Variants in OR9Q1 observed in about 807,000 individuals in gnomAD.
OR9Q1 encodes the protein olfactory receptor family 9 subfamily Q member 1.
For synonymous variants in OR9Q1, 153 were observed against 148.6 expected, an observed-to-expected ratio of 1.03 and a Z score of -0.22; for missense variants, 374 against 378.8, an observed-to-expected ratio of 0.99 and a Z score of 0.11.
intron 2 of OR9Q1, among the ~76,000 whole-genome samples, chr11:58,092,581 G>A (rs936098340): frequency 4.6e-5 from 7 of 152,052 alleles, no homozygotes; most frequent in Admixed American, 2.0e-4. Context: ...CTTGCTACAA[G>A]TCGATATATT....
intron 1 of OR9Q1, among the ~76,000 whole-genome samples, chr11:58,030,736 A>G (rs766649059): frequency 4.6e-5 from 7 of 152,202 alleles, no homozygotes; most frequent in Non-Finnish European, 7.3e-5. Flanking sequence ...ATCCTGCCTT[A>G]TTCTTAGCCA....
At chr11:58,125,876 C>G (rs1854085967) in intron 2 of OR9Q1, among the ~76,000 whole-genome samples, 1 of 152,158 alleles carries the variant, frequency 6.6e-6, no homozygotes, top group Non-Finnish European at 1.5e-5. Flanking sequence ...CACTGGCTCA[C>G]CATTCCCAAA....
At chr11:58,029,976 G>A (rs771602730) in intron 1 of OR9Q1, among the ~76,000 whole-genome samples, 13 of 151,750 alleles carry the variant, frequency 8.6e-5, no homozygotes, top group Non-Finnish European at 1.8e-4. Context: ...TGAGTAGCTG[G>A]GATTACAGGT....
intron 1 of OR9Q1, among the ~76,000 whole-genome samples, chr11:58,055,390 T>G (rs560568177): frequency 6.6e-6 from 1 of 152,246 alleles, no homozygotes. Context: ...TTTGGATGTT[T>G]GTGTCTCCTC....
chr11:58,048,238 G>C (rs574720055), intron 1 of OR9Q1, among the ~76,000 whole-genome samples: 2 of 152,290 alleles, frequency 1.3e-5, no homozygotes, highest in South Asian at 4.1e-4. Flanking sequence ...AAGGCACAAA[G>C]AAGTGTGGCT....
intron 2 of OR9Q1, among the ~76,000 whole-genome samples, chr11:58,142,032 C>T (rs1449855881): frequency 1.3e-5 from 2 of 152,050 alleles, no homozygotes; most frequent in African/African-American, 4.8e-5. Context: ...TAGTTGTGGC[C>T]AAATGATGTA....
At chr11:58,092,769 C>T (rs1463741800) in intron 2 of OR9Q1, among the ~76,000 whole-genome samples, 1 of 152,034 alleles carries the variant, frequency 6.6e-6, no homozygotes, top group South Asian at 2.1e-4. Flanking sequence ...GCTTTATTTA[C>T]CACAATTTGT....
At chr11:58,128,302 G>GAT (rs1435578207) in intron 2 of OR9Q1, among the ~76,000 whole-genome samples, 1 of 149,096 alleles carries the variant, frequency 6.7e-6, no homozygotes, top group Non-Finnish European at 1.5e-5. Context: ...TAACCTGCCT[G>GAT]ATATAAAAGC....
chr11:58,137,880 G>C (rs1355267957), intron 2 of OR9Q1, among the ~76,000 whole-genome samples: 7 of 152,158 alleles, frequency 4.6e-5, no homozygotes. Flanking sequence ...CTCTCTTAAT[G>C]TCAGTCATTA....
chr11:58,138,762 T>C lies in OR9Q1; in HGVS notation c.-14-40669T>C. On this transcript the variant is annotated intron_variant, in intron 2 of 2. Transcript: ENST00000335397. ...TAATTAACATATCTATCACCTCACT[T>C]AGCATTTTTTGTGGTGAGACATTTA... Among the ~76,000 whole-genome samples the C allele has an allele frequency of 2.0e-5, 3 of 152,216 alleles. 1 individual carries two copies. In the East Asian group the frequency reaches 5.8e-4, roughly 29 times the overall value.
intron 2 of OR9Q1, among the ~76,000 whole-genome samples, chr11:58,175,207 G>T (rs1012363007): frequency 6.6e-5 from 10 of 150,836 alleles, no homozygotes; most frequent in Admixed American, 6.0e-4. Context: ...GGATTTGGAA[G>T]ATTTTGGAAC....
intron 2 of OR9Q1, among the ~76,000 whole-genome samples, chr11:58,163,227 T>G (rs1854472355): frequency 6.6e-6 from 1 of 152,204 alleles, no homozygotes; most frequent in Admixed American, 6.5e-5. Flanking sequence ...TGGGAATGAT[T>G]GATTACATAT....
chr11:58,100,070 G>A (rs10792134), intron 2 of OR9Q1, among the ~76,000 whole-genome samples: 57,128 of 151,960 alleles, frequency 0.38, 11,785 homozygotes, highest in East Asian at 0.64. Flanking sequence ...GGTGGGCTGG[G>A]TTGGCTGGCT....
chr11:58,046,199 C>G (rs1006384191), intron 1 of OR9Q1, among the ~76,000 whole-genome samples: 1 of 151,752 alleles, frequency 6.6e-6, no homozygotes, highest in Admixed American at 6.6e-5. Context: ...GGGGTCAGCC[C>G]CTTGCCTGTG....
chr11:58,099,477 G>C (rs1853763128), intron 2 of OR9Q1, among the ~76,000 whole-genome samples: 1 of 151,592 alleles, frequency 6.6e-6, no homozygotes, highest in Non-Finnish European at 1.5e-5. Flanking sequence ...TTTATCTCTG[G>C]TTATATTATT....
intron 2 of OR9Q1, among the ~76,000 whole-genome samples, chr11:58,133,915 C>T (rs2119849348): frequency 6.6e-6 from 1 of 152,054 alleles, no homozygotes; most frequent in Admixed American, 6.6e-5. Flanking sequence ...CAGAAGGGGT[C>T]ACTGCTAGCT....
intron 2 of OR9Q1, chr11:58,118,557 A>C (rs779733614): frequency 1.2e-6 from 2 of 1,613,692 alleles, no homozygotes; most frequent in Non-Finnish European, 8.5e-7. Flanking sequence ...CGTCTTTTAC[A>C]TCTTTGTTTC....
intron 1 of OR9Q1, 70 bp from the exon 2 acceptor site, chr11:58,055,800 T>TCAAAAAAAAAA (rs773747411): frequency 7.1e-5 from 8 of 112,894 alleles, no homozygotes; most frequent in African/African-American, 2.7e-4. Context: ...ACTCTATCTC[T>TCAAAAAAAAAA]AAAAAAAAAA....
chr11:58,110,147 G>T (rs1446107866), intron 2 of OR9Q1, among the ~76,000 whole-genome samples: 1 of 152,166 alleles, frequency 6.6e-6, no homozygotes, highest in Non-Finnish European at 1.5e-5. Flanking sequence ...TGTGATGGAG[G>T]CTTTCTGTCC....
Sources: allele counts gnomAD v4.1 joint callset (sites outside exome capture counted in the v4.1 genomes callset), GRCh38; gene constraint gnomAD v4.1.1; transcripts MANE v1.5; gene names NCBI Gene and HGNC (gene_info 2026-07-23, HGNC 2026-07-21).